STIL: variants seen among roughly 807,000 people sequenced by gnomAD.
The protein encoded by STIL is STIL centriolar assembly protein.
In STIL, 55 loss-of-function variants were observed where a neutral mutation model predicts 110.1. The observed-to-expected ratio is 0.50, with a 90% CI of 0.40 to 0.63. The LOEUF is 0.63. STIL is among the 20% of genes least tolerant of loss of function. The pLI, the probability that STIL is intolerant of heterozygous loss-of-function variation, is 0.00. For synonymous variants in STIL, 481 were observed against 530.0 expected (o/e 0.91, Z 1.27); for missense variants, 1,358 against 1,530.0 (o/e 0.89, Z 1.87).
At chr1:47,285,035 T>C (rs1418947333) in intron 10 of STIL, among the ~76,000 whole-genome samples, 1 of 151,036 alleles carries the variant, frequency 6.6e-6, no homozygotes. Flanking sequence ...TTTTTTTTTT[T>C]TTCTTTGAGA....
At chr1:47,310,232 T>C in intron 2 of STIL, 44 bp downstream of exon 2, 2 of 1,578,528 alleles carry the variant, frequency 1.3e-6, no homozygotes, top group Non-Finnish European at 1.7e-6. Context: ...TCCCAAGTTA[T>C]GTGAAAAGCT....
Position 47,250,901 on chromosome 1 carries a change from C to G in STIL, c.*235G>C. 2 of 498,658 alleles carry G rather than the reference C, an allele frequency of 4.0e-6. No homozygotes were observed. The highest frequency in any genetic ancestry group is 7.1e-6 in the Non-Finnish European group (2 of 282,554). The allele number at this position is 498,658 out of a possible 1,614,324, so 30.9% of individuals were successfully genotyped here. On this transcript the variant is annotated 3_prime_UTR_variant, in exon 17 of 17. Transcript: ENST00000371877. ...CTACTACTTAAACTTGTAGGAATAA[C>G]TGATCTCAGGGCTTTTCTTAAAGGT...
intron 16 of STIL, 142 bp from the exon 17 acceptor site, chr1:47,252,064 G>C: frequency 1.2e-6 from 1 of 867,124 alleles, no homozygotes; most frequent in Non-Finnish European, 1.7e-6. Flanking sequence ...AGACATCTAA[G>C]TCTTGATGAT....
intron 14 of STIL, among the ~76,000 whole-genome samples, chr1:47,266,183 T>C (rs1644649092): frequency 1.3e-5 from 2 of 152,224 alleles, no homozygotes; most frequent in South Asian, 2.1e-4. Flanking sequence ...AATTTTATCA[T>C]ATGATTAAAA....
intron 1 of STIL, among the ~76,000 whole-genome samples, chr1:47,310,793 T>A (rs967436667): frequency 6.6e-6 from 1 of 152,138 alleles, no homozygotes; most frequent in Non-Finnish European, 1.5e-5. Context: ...AGAATCTTCA[T>A]TGGAAAAAAA....
chr1:47,281,496 T>C (rs886536790), intron 11 of STIL, among the ~76,000 whole-genome samples: 7 of 152,158 alleles, frequency 4.6e-5, no homozygotes, highest in Non-Finnish European at 4.4e-5. Flanking sequence ...CTAACACTGC[T>C]AAGATCACAG....
At chr1:47,287,765 G>T in intron 9 of STIL, 105 bp from the exon 10 acceptor site, 1 of 868,194 alleles carries the variant, frequency 1.2e-6, no homozygotes, top group Non-Finnish European at 1.9e-6. Flanking sequence ...TGGAGTGGCA[G>T]ACTTCTGATT....
At chr1:47,309,159 T>G (rs1389860386) in intron 2 of STIL, among the ~76,000 whole-genome samples, 4 of 152,144 alleles carry the variant, frequency 2.6e-5, no homozygotes, top group African/African-American at 9.7e-5. Context: ...TATGTGATTA[T>G]TACACATTGC....
At chr1:47,254,763 GA>G (rs1644283855) in intron 16 of STIL, among the ~76,000 whole-genome samples, 1 of 152,086 alleles carries the variant, frequency 6.6e-6, no homozygotes, top group Non-Finnish European at 1.5e-5. Context: ...TTGAACTCCT[GA>G]GCTCCAGTGA....
At chr1:47,304,635 T>C (rs1251181975) in intron 3 of STIL, among the ~76,000 whole-genome samples, 2 of 152,168 alleles carry the variant, frequency 1.3e-5, no homozygotes, top group Non-Finnish European at 2.9e-5. Context: ...ACACTTTCAG[T>C]TTTTACTATA....
chr1:47,292,493 A>C (rs1225991541), intron 8 of STIL, among the ~76,000 whole-genome samples: 1 of 152,198 alleles, frequency 6.6e-6, no homozygotes, highest in African/African-American at 2.4e-5. Flanking sequence ...GCAAGACAAA[A>C]GGGCCAGTTT....
At position 47,287,540 on chromosome 1, in the gene STIL, A is replaced by G. The variant is rs754323816; in HGVS notation, c.1133+11T>C. 6.4e-7 allele frequency: 1 copy of G among 1,574,442 alleles called. No individual in the cohort carries two copies. Among genetic ancestry groups the G allele is most frequent in the East Asian group, 2.2e-5 (1 of 44,496 alleles). Reference sequence around the variant, plus strand: ...AAAAAACACACACATAATAACAAAAAGATCTTTTACCTCTTAATTGAAAAA... The same window carrying G: ...AAAAAACACACACATAATAACAAAAGGATCTTTTACCTCTTAATTGAAAAA... On this transcript the variant is annotated intron_variant, in intron 10 of 16. Transcript: ENST00000371877.
chr1:47,283,908 G>A (rs1645218171), intron 10 of STIL: 1 of 149,954 alleles, frequency 6.7e-6, no homozygotes, highest in Non-Finnish European at 1.5e-5. Context: ...TTTGCGGGGG[G>A]GTGGGGGGTG....
chr1:47,301,869 TACTAA>T lies in STIL; in HGVS notation c.266-126_266-122del, dbSNP rs558907847. ...ACCAATAGTACACTAAACTCTTAAA[TACTAA>T]ACTAAACTCTTACAGTAAACTAAAC... On this transcript the variant is annotated intron_variant, in intron 4 of 16. Transcript: ENST00000371877. 2.9e-4 allele frequency: 262 copies of T among 893,308 alleles called. 3 individuals carry two copies. In the South Asian group the frequency reaches 3.5e-3, roughly 12 times the overall value. The allele number at this position is 893,308 out of a possible 1,614,324, so 55.3% of individuals were successfully genotyped here.
In STIL at chr1:47,301,818, A is replaced by G. The variant is rs1645812931; in HGVS notation, c.266-70T>C. The G allele has an allele frequency of 2.8e-6, 4 of 1,434,492 alleles. No homozygotes were observed. In the African/African-American group the frequency reaches 5.6e-5, roughly 20 times the overall value. 88.9% of individuals were successfully genotyped at this position (1,434,492 alleles called of 1,614,324 possible). A position where few individuals can be genotyped will look rare whatever the true frequency, so the allele number is the denominator to read the frequency against. On this transcript the variant is annotated intron_variant, in intron 4 of 16. Transcript: ENST00000371877. ...AACATAAAATCAACCAAGCAAGACT[A>G]CATTATAGCAAAGCACTTTGTTCAT...
At chr1:47,252,337 G>A (rs559948907) in intron 16 of STIL, among the ~76,000 whole-genome samples, 23 of 152,198 alleles carry the variant, frequency 1.5e-4, no homozygotes, top group African/African-American at 5.1e-4. Flanking sequence ...AGCCATGATC[G>A]TGCCACTGCA....
intron 16 of STIL, among the ~76,000 whole-genome samples, chr1:47,256,759 C>T (rs1348252195): frequency 6.6e-6 from 1 of 151,978 alleles, no homozygotes; most frequent in Non-Finnish European, 1.5e-5. Context: ...CTTTGGGAGG[C>T]CGAGGCAGGT....
Position 47,280,912 on chromosome 1 carries a change from G to C in STIL, c.1546C>G (p.Pro516Ala). Residue 516 changes from proline to alanine, a missense_variant, in exon 12 of 17, where the codon CCC becomes GCC. Pro to Ala is a conservative substitution (Grantham distance 27). Coordinates refer to ENST00000371877, the MANE Select transcript of STIL (RefSeq NM_001048166.1). The part of the protein sequence containing the change: ...RQPPAYKKGN[P>A]HTRNSIKPSS... ...GGTTTAATACTGTTCCTGGTATGGGGGTTCCCTTTCTTATAGGCAGGTGGC... is the reference window on the plus strand; with the variant it reads ...GGTTTAATACTGTTCCTGGTATGGGCGTTCCCTTTCTTATAGGCAGGTGGC... 1.2e-6 allele frequency: 2 copies of C among 1,614,150 alleles called. No homozygotes were observed. The highest frequency in any genetic ancestry group is 1.7e-6 in the Non-Finnish European group (2 of 1,180,024).
Position 47,280,550 on chromosome 1 carries a change from G to A in STIL, c.1908C>T (p.Ala636=). The A allele has an allele frequency of 1.2e-6, 2 of 1,614,184 alleles. No individual in the cohort carries two copies. Among genetic ancestry groups the A allele is most frequent in the East Asian group, 2.2e-5 (1 of 44,884 alleles). Residue 636 remains alanine (A), a synonymous_variant, in exon 12 of 17, where the codon GCC becomes GCT. Transcript: ENST00000371877. The stretch of plus-strand genomic sequence containing the variant: ...GGTGAAATAATGAATGCTTTTGAAG[G>A]GCTTCAGACTGGACATCTTGAATGG... ...VGSIQDVQSE[A]LQKHSLFHPS...
Sources: gnomAD v4.1 joint callset for allele counts (sites outside exome capture counted in the v4.1 genomes callset) on GRCh38, gnomAD v4.1.1 for gene constraint, MANE v1.5 for transcripts, NCBI Gene and HGNC (gene_info 2026-07-23, HGNC 2026-07-21) for gene names.